POLE: variants seen among roughly 807,000 people sequenced by gnomAD.
POLE encodes the protein DNA polymerase epsilon catalytic subunit A.
Under a neutral mutation model 279.2 loss-of-function variants are expected in POLE, and 188 were observed. The observed-to-expected ratio is 0.67, with a 90% CI of 0.60 to 0.76. The LOEUF (loss-of-function observed/expected upper bound fraction) is 0.76. Among genes scored for constraint, POLE ranks in the 30% least tolerant of loss-of-function variants. The pLI, the probability that POLE is intolerant of heterozygous loss-of-function variation, is 0.00. For synonymous variants in POLE, 1,214 were observed against 1,172.5 expected (o/e 1.04, Z -0.72); for missense variants, 2,703 against 3,016.7 (o/e 0.90, Z 2.44).
At chr12:132,657,089 G>A (rs1161652907) in intron 29 of POLE, 47 bp downstream of exon 29, 1 of 1,601,902 alleles carries the variant, frequency 6.2e-7, no homozygotes. Flanking sequence ...GGAGTCCTGT[G>A]TGTCACAAGG....
Position 132,642,702 on chromosome 12 carries a change from C to A in POLE, c.4756G>T (p.Ala1586Ser), listed in dbSNP as rs746266857. 1 of 1,613,594 alleles carries A rather than the reference C, an allele frequency of 6.2e-7. No homozygotes were observed. Among genetic ancestry groups the A allele is most frequent in the African/African-American group, 1.3e-5 (1 of 74,916 alleles). The change falls in exon 37 of 49, where the codon GCT (alanine) becomes TCT (serine). Residue 1586 changes from alanine (A) to serine (S), a missense_variant. By Grantham distance (99) the Ala-to-Ser change is moderately conservative. Around this residue, in one of 5 missense-constraint regions of POLE, gnomAD observed 1,551 missense variants for 1,686.1 expected, o/e 0.92. Coordinates refer to ENST00000320574, the MANE Select transcript of POLE (RefSeq NM_006231.4). ...TTCAGCTCCCAGCTGGACTGAACAGCGATGAGTGTGGGCCCCCGGCGCTCC... is the reference window on the plus strand; with the variant it reads ...TTCAGCTCCCAGCTGGACTGAACAGAGATGAGTGTGGGCCCCCGGCGCTCC... The part of the protein sequence containing the change: ...KEERRGPTLI[A>S]VQSSWELKRL...
Position 132,649,893 on chromosome 12 carries a change from GAAAGACCCA to G in POLE, c.3583-13_3583-5del, listed in dbSNP as rs758836293. On this transcript the variant is annotated splice_region_variant and splice_polypyrimidine_tract_variant and intron_variant, in intron 29 of 48. Coordinates refer to ENST00000320574, the MANE Select transcript of POLE (RefSeq NM_006231.4). ...CTGAGGCCTCGGCCATCGTGACCTG[GAAAGACCCA>G]GTGAAGCCTTAAATCTCAGGATCTC... 1 of 1,613,078 alleles carries G rather than the reference GAAAGACCCA, an allele frequency of 6.2e-7. No homozygotes were observed. Among genetic ancestry groups the G allele is most frequent in the Non-Finnish European group, 8.5e-7 (1 of 1,179,580 alleles).
In POLE at chr12:132,634,397, C is replaced by T. The variant is rs1057524156; in HGVS notation, c.5812-19G>A. ...AGTCTTGCTGTAACACATGAGACAA[C>T]GCGGCTGTGTTTGCACCATCGCGGC... is the stretch of plus-strand genomic sequence containing the variant. On this transcript the variant is annotated intron_variant, in intron 42 of 48. Coordinates refer to ENST00000320574, the MANE Select transcript of POLE (RefSeq NM_006231.4). This position sits in a 1 kb window ranked among gnomAD's most constrained non-coding sequence, Gnocchi z 4.0. 5 of 1,607,536 alleles carry T rather than the reference C, an allele frequency of 3.1e-6. No homozygotes were observed. Among genetic ancestry groups the T allele is most frequent in the African/African-American group, 1.3e-5 (1 of 74,796 alleles).
intron 47 of POLE, 106 bp from the exon 48 acceptor site, chr12:132,625,100 C>G: frequency 1.2e-6 from 1 of 800,526 alleles, no homozygotes; most frequent in Non-Finnish European, 2.1e-6. Context: ...CATCAGTAAG[C>G]CTCGAGCCCC....
At chr12:132,679,459 T>C (rs1435833742) in intron 6 of POLE, 38 bp downstream of exon 6, 2 of 1,580,170 alleles carry the variant, frequency 1.3e-6, no homozygotes, top group Admixed American at 3.4e-5. Context: ...CTTGTCGTTC[T>C]GAACCGCTGA....
chr12:132,685,611 T>A (rs572837837), intron 1 of POLE, among the ~76,000 whole-genome samples: 5 of 152,242 alleles, frequency 3.3e-5, no homozygotes, highest in Non-Finnish European at 7.3e-5. Flanking sequence ...AGGCCATCAC[T>A]GAGCTTGGGG....
chr12:132,656,998 T>C, intron 29 of POLE, 138 bp downstream of exon 29: 2 of 872,380 alleles, frequency 2.3e-6, no homozygotes, highest in Non-Finnish European at 1.8e-6. Flanking sequence ...AAAGTGCCAA[T>C]GGGCACATTT....
intron 8 of POLE, among the ~76,000 whole-genome samples, chr12:132,676,854 G>T (rs575474602): frequency 5.3e-5 from 8 of 152,178 alleles, no homozygotes; most frequent in African/African-American, 1.9e-4. Flanking sequence ...ACATACCTAA[G>T]AGAGCAGCTG....
Position 132,639,063 on chromosome 12 carries a change from G to C in POLE, c.5552+62C>G, listed in dbSNP as rs2042088412. Reference sequence around the variant, plus strand: ...CTGGCTGGCCATGTCTCTGGTTCTGGGGAGTAAGGGACCAGCCCAGCTGAG... The same window carrying C: ...CTGGCTGGCCATGTCTCTGGTTCTGCGGAGTAAGGGACCAGCCCAGCTGAG... On this transcript the variant is annotated intron_variant, in intron 40 of 48. Coordinates refer to ENST00000320574, the MANE Select transcript of POLE (RefSeq NM_006231.4). This position sits in a 1 kb window ranked among gnomAD's most constrained non-coding sequence, Gnocchi z 4.7. 1 of 1,438,122 alleles carries C rather than the reference G, an allele frequency of 7.0e-7. No individual in the cohort carries two copies. The allele number at this position is 1,438,122 out of a possible 1,614,324, so 89.1% of individuals were successfully genotyped here. A position where few individuals can be genotyped will look rare whatever the true frequency, so the allele number is the denominator to read the frequency against.
In POLE at chr12:132,643,958, C is replaced by T. The variant is rs200776293; in HGVS notation, c.4169G>A (p.Arg1390His). Residue 1390 changes from arginine (R) to histidine (H), a missense_variant, in exon 33 of 49, where the codon CGC becomes CAC. Arg to His is a conservative substitution (Grantham distance 29). Transcript: ENST00000320574. ...ATAGAGATTGTAGACCATGTTGGAG[C>T]GAGGAAGGACCCGATTTACCTGGCG... Reference protein sequence around the residue: ...SYRKVNRVLPRSNMVYNLYEY... With the variant: ...SYRKVNRVLPHSNMVYNLYEY... 1.2e-4 allele frequency: 189 copies of T among 1,613,342 alleles called. No homozygotes were observed. The highest frequency in any genetic ancestry group is 8.3e-4 in the Middle Eastern group (5 of 6,060).
intron 2 of POLE, 33 bp downstream of exon 2, chr12:132,681,105 T>C (rs1233410633): frequency 1.9e-6 from 3 of 1,612,638 alleles, no homozygotes; most frequent in Non-Finnish European, 8.5e-7. Context: ...GTTGCAGCCA[T>C]ATTCCTGGGT....
chr12:132,675,930 G>T lies in POLE; in HGVS notation c.1021-110C>A, dbSNP rs1283624048. 5 of 991,388 alleles carry T rather than the reference G, an allele frequency of 5.0e-6. No individual in the cohort carries two copies. The African/African-American group carries it at 8.0e-5, about 16-fold the overall frequency. 61.4% of individuals were successfully genotyped at this position (991,388 alleles called of 1,614,324 possible). ...CAGCCTCATGTTGGCCCTTATTCCT[G>T]CCCCGCCCCTCCGCCCGTCTCTGGC... On this transcript the variant is annotated intron_variant, in intron 10 of 48. Transcript: ENST00000320574. The surrounding 1 kb of genome is among the most constrained non-coding windows in gnomAD (Gnocchi z 4.3).
At chr12:132,663,533 C>T (rs534197234) in intron 23 of POLE, among the ~76,000 whole-genome samples, 12 of 152,300 alleles carry the variant, frequency 7.9e-5, no homozygotes, top group African/African-American at 1.4e-4. Context: ...GAGGACAGAC[C>T]GGGACAGGAC....
Position 132,664,026 on chromosome 12 carries a change from G to A in POLE, c.2684C>T (p.Ala895Val), listed in dbSNP as rs1458833255. 2.5e-6 allele frequency: 4 copies of A among 1,614,172 alleles called. No individual in the cohort carries two copies. Among genetic ancestry groups the A allele is most frequent in the Middle Eastern group, 3.3e-4 (2 of 6,024 alleles). ...CACCTTGACCATGATGTTCAACATG[G>A]CGCCTGGGTAGGAGATGGTCACTTT... ...KPKVTISYPGAMLNIMVKEGF... is the reference protein window; with the variant it reads ...KPKVTISYPGVMLNIMVKEGF... The change falls in exon 23 of 49, where the codon GCC becomes GTC. Residue 895 changes from alanine to valine, a missense_variant. This residue lies in a region of POLE where 101 missense variants were observed against 115.4 expected (regional missense o/e 0.87). Transcript: ENST00000320574. The surrounding 1 kb of genome is among the most constrained non-coding windows in gnomAD (Gnocchi z 5.3).
rs1463790683 is a variant in POLE, at chr12:132,632,443, G to A, written c.6202C>T (p.Gln2068Ter). The change falls in exon 45 of 49, where the codon CAG becomes TAG. Residue 2068 changes from glutamine to a stop codon, truncating the protein, a stop_gained. Transcript: ENST00000320574. LOFTEE classifies it high-confidence loss of function. ...CCTGTGACTTTCTTCTGAATCTTCT[G>A]AGTGATGGTGAAGAAGCTCTGAGTG... ...ELTQSFFTIT[Q>*]KIQKKVTGSR... 1.2e-6 allele frequency: 2 copies of A among 1,613,748 alleles called. No homozygotes were observed. The highest frequency in any genetic ancestry group is 1.7e-6 in the Non-Finnish European group (2 of 1,179,740).
At chr12:132,645,393 G>A (rs1191773658) in intron 32 of POLE, among the ~76,000 whole-genome samples, 5 of 151,842 alleles carry the variant, frequency 3.3e-5, no homozygotes. Flanking sequence ...CGTGTGTGGG[G>A]GGCTGGGGGA....
At chr12:132,636,441 G>A (rs5744986) in intron 41 of POLE, among the ~76,000 whole-genome samples, 7,698 of 44,034 alleles carry the variant, frequency 0.17, 843 homozygotes, top group South Asian at 0.28. Context: ...TCCATTTAAG[G>A]AAAAAAAAAA....
intron 16 of POLE, among the ~76,000 whole-genome samples, chr12:132,671,459 A>G (rs2042926378): frequency 6.6e-6 from 1 of 151,190 alleles, no homozygotes; most frequent in African/African-American, 2.5e-5. Context: ...TCACAAGGTC[A>G]GGAGTTCAAG....
At chr12:132,676,449 T>C in intron 9 of POLE, 97 bp downstream of exon 9, 1 of 849,394 alleles carries the variant, frequency 1.2e-6, no homozygotes, top group Non-Finnish European at 2.0e-6. Context: ...CATTATTCAC[T>C]CAACAAATAC....
Sources: allele counts gnomAD v4.1 joint callset (sites outside exome capture counted in the v4.1 genomes callset), GRCh38; gene constraint gnomAD v4.1.1; regional missense constraint gnomAD v4.1.1; non-coding constraint Gnocchi (gnomAD v3.1); transcripts MANE v1.5; gene names NCBI Gene and HGNC (gene_info 2026-07-23, HGNC 2026-07-21).